Variants in CEACAM21 observed in about 807,000 individuals in gnomAD.
The protein encoded by CEACAM21 is cell adhesion molecule CEACAM21.
CEACAM21 carries 38 observed loss-of-function variants against 33.2 expected under a neutral mutation model. The observed-to-expected ratio is 1.14, with a 90% CI of 0.88 to 1.50. The LOEUF is 1.50. Among genes scored for constraint, CEACAM21 ranks in the 40% most tolerant of loss-of-function variants. CEACAM21 has a pLI of 0.00. For missense variants in CEACAM21, 385 were observed against 364.6 expected, an observed-to-expected ratio of 1.06 and a Z score of -0.46; for synonymous variants, 156 against 143.0, an observed-to-expected ratio of 1.09 and a Z score of -0.65.
intron 1 of CEACAM21, among the ~76,000 whole-genome samples, chr19:41,555,783 C>G (rs979692666): frequency 7.2e-5 from 11 of 152,188 alleles, no homozygotes; most frequent in African/African-American, 2.7e-4. Context: ...GTTTTCACAG[C>G]CTTTAAACTG....
At chr19:41,559,051 C>T (rs1462609081) in intron 1 of CEACAM21, among the ~76,000 whole-genome samples, 1 of 152,140 alleles carries the variant, frequency 6.6e-6, no homozygotes, top group Non-Finnish European at 1.5e-5. Flanking sequence ...ATAAATCAAG[C>T]AGTCAAATGA....
intron 2 of CEACAM21, among the ~76,000 whole-genome samples, chr19:41,565,785 G>C (rs930272066): frequency 7.2e-5 from 11 of 152,162 alleles, no homozygotes; most frequent in African/African-American, 2.7e-4. Context: ...AGAACAACCA[G>C]TGGCAAAATA....
At chr19:41,584,549 G>A (rs557907751) in intron 4 of CEACAM21, 106 bp downstream of exon 4, 17 of 982,388 alleles carry the variant, frequency 1.7e-5, no homozygotes, top group African/African-American at 8.1e-5. Context: ...CCAGCCTCCC[G>A]ACTCCCCAGG....
upstream of CEACAM21, among the ~76,000 whole-genome samples, chr19:41,572,134 C>T (rs1469241937): frequency 6.6e-6 from 1 of 152,092 alleles, no homozygotes; most frequent in Non-Finnish European, 1.5e-5. Flanking sequence ...TCAACATTGC[C>T]AGTGCTAAAA....
intron 1 of CEACAM21, among the ~76,000 whole-genome samples, chr19:41,556,739 T>C (rs903624226): frequency 2.0e-5 from 3 of 152,202 alleles, no homozygotes; most frequent in African/African-American, 7.2e-5. Flanking sequence ...TAGGCCACAA[T>C]ATAAGGCACC....
At position 41,579,539 on chromosome 19, in the gene CEACAM21, T is replaced by G; in HGVS notation, c.611T>G (p.Ile204Ser). 6.2e-7 allele frequency: 1 copy of G among 1,612,640 alleles called. No individual in the cohort carries two copies. Among genetic ancestry groups the G allele is most frequent in the East Asian group, 2.2e-5 (1 of 44,860 alleles). ...WFNHVLTIDP[I>S]RQEDAGEYQC... is the part of the protein sequence containing the mutation. ...AACCATGTGCTCACCATAGACCCCATCAGGCAGGAGGACGCTGGGGAGTAT... is the reference window on the plus strand; with the variant it reads ...AACCATGTGCTCACCATAGACCCCAGCAGGCAGGAGGACGCTGGGGAGTAT... The change falls in exon 3 of 7, where the codon ATC becomes AGC. Residue 204 changes from isoleucine to serine, a missense_variant. By Grantham distance (142) the Ile-to-Ser change is moderately radical (BLOSUM62 -2). Coordinates refer to ENST00000401445, the MANE Select transcript of CEACAM21 (RefSeq NM_001098506.4).
rs1336959032 is a variant in CEACAM21, at chr19:41,579,641, C to T, written c.700+13C>T. 17 of 1,502,874 alleles carry T rather than the reference C, an allele frequency of 1.1e-5. No homozygotes were observed. Among genetic ancestry groups the T allele is most frequent in the Admixed American group, 2.1e-5 (1 of 48,302 alleles). The allele number at this position is 1,502,874 out of a possible 1,614,324, so 93.1% of individuals were successfully genotyped here. On this transcript the variant is annotated intron_variant, in intron 3 of 6. Transcript: ENST00000401445. ...CTGACTGTAAAATGTGAGTGACCCT[C>T]GGCCCCTCTCACTCCTTTCCTTGTA...
At chr19:41,576,125 C>A, upstream of CEACAM21, 1 of 821,130 alleles carries the variant, frequency 1.2e-6, no homozygotes, top group Non-Finnish European at 2.0e-6. Context: ...CCCGCCCTTG[C>A]CCATAAACGG....
At chr19:41,577,636 G>C in intron 2 of CEACAM21, 77 bp downstream of exon 2, 2 of 1,585,818 alleles carry the variant, frequency 1.3e-6, no homozygotes, top group Non-Finnish European at 1.7e-6. Flanking sequence ...GGCCTGGGCT[G>C]TGCCTGCATC....
At chr19:41,565,316 T>C (rs1449875168) in intron 2 of CEACAM21, among the ~76,000 whole-genome samples, 1 of 151,836 alleles carries the variant, frequency 6.6e-6, no homozygotes, top group Non-Finnish European at 1.5e-5. Flanking sequence ...GGAGTGAAGG[T>C]GTCCTGGCCT....
At position 41,586,787 on chromosome 19, in the gene CEACAM21, C is replaced by T; in HGVS notation, c.*324C>T. 1 of 317,608 alleles carries T rather than the reference C, an allele frequency of 3.1e-6. No individual in the cohort carries two copies. The highest frequency in any genetic ancestry group is 2.9e-5 in the South Asian group (1 of 35,000). The allele number at this position is 317,608 out of a possible 1,614,324, so 19.7% of individuals were successfully genotyped here. A position where few individuals can be genotyped will look rare whatever the true frequency, so the allele number is the denominator to read the frequency against. On this transcript the variant is annotated 3_prime_UTR_variant, in exon 7 of 7. Transcript: ENST00000401445. ...GGGCTTGCAGGGAAAGTGAATGGGC[C>T]TATGGCCCACCCGGGGTCACCTGGA...
chr19:41,560,411 G>A (rs1555786573), intron 1 of CEACAM21, among the ~76,000 whole-genome samples: 1 of 152,006 alleles, frequency 6.6e-6, no homozygotes, highest in African/African-American at 2.4e-5. Context: ...CATAGAGATG[G>A]GGGTCTCACT....
At chr19:41,580,530 T>G (rs1229065097) in intron 3 of CEACAM21, among the ~76,000 whole-genome samples, 1 of 152,118 alleles carries the variant, frequency 6.6e-6, no homozygotes, top group South Asian at 2.1e-4. Flanking sequence ...CCTGTTTGGG[T>G]TGGATTAGTT....
upstream of CEACAM21, among the ~76,000 whole-genome samples, chr19:41,571,816 C>T (rs2042631206): frequency 6.6e-6 from 1 of 152,170 alleles, no homozygotes; most frequent in South Asian, 2.1e-4. Context: ...TGGATGGCCC[C>T]CATTTAGGGA....
At chr19:41,553,911 C>T (rs1185867845) in intron 1 of CEACAM21, among the ~76,000 whole-genome samples, 1 of 150,692 alleles carries the variant, frequency 6.6e-6, no homozygotes, top group Non-Finnish European at 1.5e-5. Context: ...AACTATATTG[C>T]CATAAATTAA....
Position 41,584,435 on chromosome 19 carries a change from A to G in CEACAM21, c.789A>G (p.Lys263=). 6.2e-7 allele frequency: 1 copy of G among 1,604,620 alleles called. No individual in the cohort carries two copies. The highest frequency in any genetic ancestry group is 8.5e-7 in the Non-Finnish European group (1 of 1,175,224). ...AALVCFLLLR[K]TGRASDQSDF... ...TTGTGTGTTTCCTGCTCCTCCGAAA[A>G]ACTGGCAGGTACCACAGCTTTTCCC... Residue 263 remains lysine (K), a synonymous_variant, in exon 4 of 7, where the codon AAA becomes AAG. Transcript: ENST00000401445.
chr19:41,584,301 C>T, intron 3 of CEACAM21, 46 bp from the exon 4 acceptor site: 1 of 1,534,722 alleles, frequency 6.5e-7, no homozygotes, highest in Non-Finnish European at 8.9e-7. Flanking sequence ...TCATGGTTCC[C>T]CCTGGAACAG....
intron 1 of CEACAM21, among the ~76,000 whole-genome samples, chr19:41,549,916 A>G (rs1485072822): frequency 6.6e-6 from 1 of 152,074 alleles, no homozygotes; most frequent in Admixed American, 6.5e-5. Flanking sequence ...TATGTTTTCC[A>G]TGGACTTGCT....
At chr19:41,564,314 C>A (rs2042102663) in intron 1 of CEACAM21, among the ~76,000 whole-genome samples, 1 of 149,474 alleles carries the variant, frequency 6.7e-6, no homozygotes, top group Non-Finnish European at 1.5e-5. Flanking sequence ...AAATAAAGAC[C>A]AAGGAGTGAG....
Sources: allele counts gnomAD v4.1 joint callset (sites outside exome capture counted in the v4.1 genomes callset), GRCh38; gene constraint gnomAD v4.1.1; transcripts MANE v1.5; gene names NCBI Gene and HGNC (gene_info 2026-07-23, HGNC 2026-07-21).